The following GRM1 variants were observed in gnomAD, a reference collection of about 807,000 sequenced individuals.
GRM1 encodes the protein metabotropic glutamate receptor 1.
Under a neutral mutation model 90.9 loss-of-function variants are expected in GRM1, and 33 were observed. The observed-to-expected ratio is 0.36, with a 90% CI of 0.28 to 0.49. The LOEUF (loss-of-function observed/expected upper bound fraction) is 0.49. Ranked by LOEUF, GRM1 falls within the 20% of genes least tolerant of loss-of-function variation. The probability of loss-of-function intolerance (pLI) is 0.99; values close to 1 mark genes in which losing one functional copy is unlikely to be tolerated. For synonymous variants in GRM1, 700 were observed against 613.2 expected, an observed-to-expected ratio of 1.14 and a Z score of -2.09; for missense variants, 1,190 against 1,534.3, an observed-to-expected ratio of 0.78 and a Z score of 3.75.
intron 2 of GRM1, among the ~76,000 whole-genome samples, chr6:146,222,706 C>G (rs1324514550): frequency 6.6e-6 from 1 of 152,018 alleles, no homozygotes; most frequent in African/African-American, 2.4e-5. Flanking sequence ...TTGAGAAACG[C>G]CCCCATAGAT....
In GRM1 at chr6:146,407,618, T is replaced by C. The variant is rs1777392319; in HGVS notation, c.2660+7919T>C. The stretch of plus-strand genomic sequence containing the variant: ...CCATAAATATTCCCAGATAATTATG[T>C]GTAATGGCCCAAGGTGGGTACATTC... On this transcript the variant is annotated intron_variant, in intron 7 of 7. Transcript: ENST00000282753. Among the ~76,000 whole-genome samples, 4 of 152,158 alleles carry C rather than the reference T, an allele frequency of 2.6e-5. No individual in the cohort carries two copies. The South Asian group carries it at 8.3e-4, about 32-fold the overall frequency.
chr6:146,057,247 C>T (rs1775512077), intron 1 of GRM1, among the ~76,000 whole-genome samples: 1 of 152,068 alleles, frequency 6.6e-6, no homozygotes, highest in Non-Finnish European at 1.5e-5. Flanking sequence ...AAGAATAGTA[C>T]ATTGCCTTTG....
At chr6:146,145,906 T>C (rs1231711734) in intron 1 of GRM1, among the ~76,000 whole-genome samples, 1 of 151,914 alleles carries the variant, frequency 6.6e-6, no homozygotes, top group East Asian at 1.9e-4. Flanking sequence ...CTGTCCTAGG[T>C]CTTGGGGGCC....
Position 146,434,039 on chromosome 6 carries a change from G to A in GRM1, c.2828G>A (p.Ser943Asn). 6.2e-7 allele frequency: 1 copy of A among 1,614,174 alleles called. No individual in the cohort carries two copies. The highest frequency in any genetic ancestry group is 8.5e-7 in the Non-Finnish European group (1 of 1,180,042). Residue 943 changes from serine to asparagine, a missense_variant, in exon 8 of 8, where the codon AGC (serine) becomes AAC (asparagine). Coordinates refer to ENST00000282753, the MANE Select transcript of GRM1 (RefSeq NM_001278064.2). The stretch of plus-strand genomic sequence containing the variant: ...AAAAGTTACCAAGGCTCTGGCAAGA[G>A]CCTGACCTTTTCAGATACCAGCACC... ...LTKSYQGSGK[S>N]LTFSDTSTKT... is the part of the protein sequence containing the mutation.
chr6:146,284,132 G>T (rs996609431), intron 2 of GRM1, among the ~76,000 whole-genome samples: 16 of 152,074 alleles, frequency 1.1e-4, no homozygotes, highest in Non-Finnish European at 1.9e-4. Flanking sequence ...CAGGGGTGCT[G>T]GCTCTGAAAA....
chr6:146,340,861 A>T (rs1784948708), intron 3 of GRM1, among the ~76,000 whole-genome samples: 1 of 152,046 alleles, frequency 6.6e-6, no homozygotes, highest in Non-Finnish European at 1.5e-5. Flanking sequence ...CACATTTCTA[A>T]CCTCACTCGT....
chr6:146,313,499 TGTC>T (rs1333529855), intron 3 of GRM1, among the ~76,000 whole-genome samples: 1 of 152,214 alleles, frequency 6.6e-6, no homozygotes, highest in African/African-American at 2.4e-5. Context: ...CATTTTCCCA[TGTC>T]GTCTAAAAGT....
At chr6:146,202,977 C>T (rs561261672) in intron 2 of GRM1, among the ~76,000 whole-genome samples, 13 of 152,060 alleles carry the variant, frequency 8.5e-5, no homozygotes, top group Admixed American at 7.2e-4. Flanking sequence ...GGGCGGATCA[C>T]GAGGTCAGGA....
intron 3 of GRM1, among the ~76,000 whole-genome samples, chr6:146,344,264 C>G (rs937125903): frequency 6.6e-6 from 1 of 152,150 alleles, no homozygotes; most frequent in African/African-American, 2.4e-5. Flanking sequence ...AACGCATACC[C>G]CATGAGAGAC....
At chr6:146,042,823 C>T (rs777487571) in intron 1 of GRM1, among the ~76,000 whole-genome samples, 5 of 152,006 alleles carry the variant, frequency 3.3e-5, no homozygotes, top group Admixed American at 6.6e-5. Flanking sequence ...TGGCCACCTA[C>T]TGGCCCAATG....
At chr6:146,149,659 T>C (rs1777242897) in intron 1 of GRM1, among the ~76,000 whole-genome samples, 1 of 152,178 alleles carries the variant, frequency 6.6e-6, no homozygotes, top group African/African-American at 2.4e-5. Context: ...TGCCTTTAAG[T>C]CTCATCCTCT....
chr6:146,313,772 C>A (rs1349452750), intron 3 of GRM1, among the ~76,000 whole-genome samples: 1 of 152,004 alleles, frequency 6.6e-6, no homozygotes, highest in Non-Finnish European at 1.5e-5. Flanking sequence ...TATGTATATG[C>A]CCAAGAAACA....
chr6:146,142,075 T>C (rs577987952), intron 1 of GRM1, among the ~76,000 whole-genome samples: 1 of 152,236 alleles, frequency 6.6e-6, no homozygotes, highest in South Asian at 2.1e-4. Flanking sequence ...GTTATCTAAG[T>C]TTTTGGTCAT....
intron 1 of GRM1, among the ~76,000 whole-genome samples, chr6:146,036,117 A>C (rs919520321): frequency 5.9e-5 from 9 of 151,978 alleles, no homozygotes; most frequent in Admixed American, 2.0e-4. Flanking sequence ...ATAGGGAGCT[A>C]ATATACAATA....
At chr6:146,430,377 G>T (rs982978949) in intron 7 of GRM1, among the ~76,000 whole-genome samples, 4 of 152,178 alleles carry the variant, frequency 2.6e-5, no homozygotes, top group African/African-American at 7.2e-5. Flanking sequence ...AGCCACCTGA[G>T]ATATTTACTC....
chr6:146,203,794 G>A (rs1779400921), intron 2 of GRM1, among the ~76,000 whole-genome samples: 1 of 152,128 alleles, frequency 6.6e-6, no homozygotes, highest in African/African-American at 2.4e-5. Flanking sequence ...GAATTCCACG[G>A]CAAAGAGAAA....
intron 3 of GRM1, among the ~76,000 whole-genome samples, chr6:146,319,176 G>A (rs951011588): frequency 6.6e-6 from 1 of 151,498 alleles, no homozygotes; most frequent in Admixed American, 6.6e-5. Context: ...TTTGTATAAG[G>A]TGTAAGGAAG....
chr6:146,090,321 A>G (rs1435358712), intron 1 of GRM1, among the ~76,000 whole-genome samples: 1 of 152,120 alleles, frequency 6.6e-6, no homozygotes. Context: ...AACAAAATAG[A>G]AGGAAATGCA....
chr6:146,226,901 T>A (rs905769014), intron 2 of GRM1, among the ~76,000 whole-genome samples: 3 of 152,248 alleles, frequency 2.0e-5, no homozygotes, highest in Admixed American at 1.3e-4. Context: ...GCTCTTTTCT[T>A]CAAGATTGTA....
Sources: gnomAD v4.1 joint callset for allele counts (sites outside exome capture counted in the v4.1 genomes callset) on GRCh38, gnomAD v4.1.1 for gene constraint, MANE v1.5 for transcripts, NCBI Gene and HGNC (gene_info 2026-07-23, HGNC 2026-07-21) for gene names.